The following KLRF1 variants were observed in gnomAD, a reference collection of about 807,000 sequenced individuals.
KLRF1 encodes the protein killer cell lectin-like receptor subfamily F member 1.
Under a neutral mutation model 30.7 loss-of-function variants are expected in KLRF1, and 27 were observed. The ratio of observed to expected loss-of-function variants is 0.88; its 90% CI spans 0.65 to 1.21. The LOEUF (loss-of-function observed/expected upper bound fraction) is 1.21, where lower values mean the gene tolerates loss of function less well. Ranked by LOEUF, KLRF1 falls within the 50% of genes most tolerant of loss-of-function variation. The probability of loss-of-function intolerance (pLI) is 0.00; values close to 1 mark genes in which losing one functional copy is unlikely to be tolerated. For missense variants in KLRF1, 246 were observed against 259.3 expected (o/e 0.95, Z 0.35); for synonymous variants, 92 against 89.3 (o/e 1.03, Z -0.17).
chr12:9,810,109 T>G, the KLRF1 span, among the ~76,000 whole-genome samples: 1 of 152,198 alleles, frequency 6.6e-6, no homozygotes, highest in African/African-American at 2.4e-5. Context: ...AGCTTGAGGG[T>G]TTTTATCTAG....
rs188750525 is a variant in KLRF1, at chr12:9,844,762, A to G, written c.*236A>G. 1.7e-4 allele frequency: 42 copies of G among 248,444 alleles called. No individual in the cohort carries two copies. Among genetic ancestry groups the G allele is most frequent in the Admixed American group, 2.1e-4 (4 of 18,884 alleles). 15.4% of individuals were successfully genotyped at this position (248,444 alleles called of 1,614,324 possible). On this transcript the variant is annotated 3_prime_UTR_variant, in exon 6 of 6. Coordinates refer to ENST00000617889, the MANE Select transcript of KLRF1 (RefSeq NM_016523.3). ...TAAACCAATGTGACTTCATGTGATCATATCCAGGATTTTTATTCGTCGCTT... is the reference window on the plus strand; with the variant it reads ...TAAACCAATGTGACTTCATGTGATCGTATCCAGGATTTTTATTCGTCGCTT...
the KLRF1 span, among the ~76,000 whole-genome samples, chr12:9,801,842 C>G: frequency 6.6e-6 from 1 of 152,014 alleles, no homozygotes; most frequent in African/African-American, 2.4e-5. Context: ...TGCAGAAGCT[C>G]TTTAGTTTAA....
Position 9,834,248 on chromosome 12 carries a change from G to A in KLRF1, c.334+796G>A, listed in dbSNP as rs142027639. Among the ~76,000 whole-genome samples, 9 of 152,136 alleles carry A rather than the reference G, an allele frequency of 5.9e-5. No individual in the cohort carries two copies. In the East Asian group the frequency reaches 1.7e-3, roughly 29 times the overall value. On this transcript the variant is annotated intron_variant, in intron 3 of 5. Transcript: ENST00000617889. ...GGAACAAGCCATTTTCACTTCTTTT[G>A]TGATTCTTCAGTTACTTCAGGCCAT... is the stretch of plus-strand genomic sequence containing the variant.
At chr12:9,823,219 A>G (rs1867246115), upstream of KLRF1, among the ~76,000 whole-genome samples, 1 of 64,262 alleles carries the variant, frequency 1.6e-5, no homozygotes, top group Non-Finnish European at 4.1e-5. Flanking sequence ...AATTCTTAGC[A>G]AATGCAAAAA....
chr12:9,832,752 A>G (rs891878388), intron 2 of KLRF1, among the ~76,000 whole-genome samples: 1 of 151,862 alleles, frequency 6.6e-6, no homozygotes, highest in African/African-American at 2.4e-5. Flanking sequence ...TTAATAGATA[A>G]AATTTTACTG....
chr12:9,833,215 A>G, intron 2 of KLRF1, 88 bp from the exon 3 acceptor site: 3 of 872,952 alleles, frequency 3.4e-6, no homozygotes, highest in Non-Finnish European at 4.9e-6. Context: ...TTCTTGTTCC[A>G]ATCATCGGAA....
At chr12:9,807,229 C>T in the KLRF1 span, among the ~76,000 whole-genome samples, 1 of 151,804 alleles carries the variant, frequency 6.6e-6, no homozygotes, top group Non-Finnish European at 1.5e-5. Context: ...GCTGTTTATA[C>T]ATATTATGTC....
chr12:9,809,589 A>T, the KLRF1 span, among the ~76,000 whole-genome samples: 3 of 152,156 alleles, frequency 2.0e-5, no homozygotes, highest in East Asian at 5.8e-4. Context: ...TATTGATGTT[A>T]CGCTTAGTTT....
At chr12:9,827,395 A>G (rs758262713), upstream of KLRF1, 13 of 414,704 alleles carry the variant, frequency 3.1e-5, no homozygotes, top group Admixed American at 5.3e-4. Flanking sequence ...TTCACAAATA[A>G]GTGAAACTGT....
At chr12:9,834,340 T>C (rs1460040167) in intron 3 of KLRF1, among the ~76,000 whole-genome samples, 1 of 152,194 alleles carries the variant, frequency 6.6e-6, no homozygotes, top group African/African-American at 2.4e-5. Flanking sequence ...GGCCTGACAG[T>C]CCTGCCTTCT....
At chr12:9,821,177 T>A in the KLRF1 span, among the ~76,000 whole-genome samples, 1 of 151,982 alleles carries the variant, frequency 6.6e-6, no homozygotes, top group African/African-American at 2.4e-5. Context: ...CTCCTCCTGA[T>A]TACTCTTAAT....
chr12:9,812,730 C>T, the KLRF1 span, among the ~76,000 whole-genome samples: 1 of 152,112 alleles, frequency 6.6e-6, no homozygotes, highest in African/African-American at 2.4e-5. Flanking sequence ...ACCTGAAATA[C>T]AGAGGATAAT....
chr12:9,837,701 C>A (rs1422150006), intron 3 of KLRF1, among the ~76,000 whole-genome samples: 1 of 152,146 alleles, frequency 6.6e-6, no homozygotes, highest in Admixed American at 6.6e-5. Context: ...TTCAACTTAA[C>A]TTTTACAAAC....
the KLRF1 span, among the ~76,000 whole-genome samples, chr12:9,803,089 C>T: frequency 3.3e-5 from 5 of 152,174 alleles, no homozygotes; most frequent in Non-Finnish European, 5.9e-5. Context: ...ACCAAAGCAG[C>T]ATGGTACTGG....
chr12:9,838,602 A>G (rs985224449), intron 3 of KLRF1, among the ~76,000 whole-genome samples: 4 of 152,132 alleles, frequency 2.6e-5, no homozygotes, highest in African/African-American at 9.6e-5. Context: ...GCTCCAAGAT[A>G]CCAACCAAGG....
chr12:9,823,816 T>C (rs930341148), upstream of KLRF1, among the ~76,000 whole-genome samples: 1 of 151,796 alleles, frequency 6.6e-6, no homozygotes, highest in African/African-American at 2.4e-5. Context: ...CTGACCCCCA[T>C]GAAATATAAA....
intron 2 of KLRF1, 120 bp from the exon 3 acceptor site, chr12:9,833,183 T>C: frequency 1.6e-6 from 1 of 626,090 alleles, no homozygotes; most frequent in Non-Finnish European, 2.5e-6. Context: ...TTTAAAAAGA[T>C]CCTAGTGACC....
At position 9,844,505 on chromosome 12, in the gene KLRF1, C is replaced by G. The variant is rs1565511575; in HGVS notation, c.675C>G (p.Phe225Leu). Residue 225 changes from phenylalanine (F) to leucine (L), a missense_variant, in exon 6 of 6, where the codon TTC becomes TTG. By Grantham distance (22) the Phe-to-Leu change is conservative. Transcript: ENST00000617889. ...TCTCTGAAACCTGCAGCAGTGTTTT[C>G]AAATGGATTTGTCAGTATTAGAGTT... ...KIFSETCSSV[F>L]KWICQY 6.2e-7 allele frequency: 1 copy of G among 1,600,862 alleles called. No homozygotes were observed. Among genetic ancestry groups the G allele is most frequent in the Non-Finnish European group, 8.6e-7 (1 of 1,169,334 alleles).
the KLRF1 span, among the ~76,000 whole-genome samples, chr12:9,819,883 T>C: frequency 6.6e-6 from 1 of 152,234 alleles, no homozygotes; most frequent in Non-Finnish European, 1.5e-5. Context: ...CCGGGTGTTT[T>C]CCAGTTGACA....
Sources: gnomAD v4.1 joint callset for allele counts (sites outside exome capture counted in the v4.1 genomes callset) on GRCh38, gnomAD v4.1.1 for gene constraint, MANE v1.5 for transcripts, NCBI Gene and HGNC (gene_info 2026-07-23, HGNC 2026-07-21) for gene names.